PRKD3: variants seen among roughly 807,000 people sequenced by gnomAD.
PRKD3 encodes protein kinase D3, also known as serine/threonine-protein kinase D3.
PRKD3 carries 47 observed loss-of-function variants against 99.2 expected under a neutral mutation model. The observed-to-expected ratio is 0.47, with a 90% CI of 0.38 to 0.60. The LOEUF (loss-of-function observed/expected upper bound fraction) is 0.60. PRKD3 is among the 20% of genes least tolerant of loss of function. The probability of loss-of-function intolerance (pLI) is 0.00; values close to 1 mark genes in which losing one functional copy is unlikely to be tolerated. For synonymous variants in PRKD3, 392 were observed against 355.4 expected, an observed-to-expected ratio of 1.10 and a Z score of -1.16; for missense variants, 1,019 against 1,088.4, an observed-to-expected ratio of 0.94 and a Z score of 0.90.
At chr2:37,286,993 G>A (rs984610875) in intron 5 of PRKD3, among the ~76,000 whole-genome samples, 1 of 151,950 alleles carries the variant, frequency 6.6e-6, no homozygotes, top group Admixed American at 6.6e-5. Flanking sequence ...CACTTTGGGA[G>A]GCCGAGGTGG....
Position 37,253,109 on chromosome 2 carries a change from G to T in PRKD3, c.*68C>A. On this transcript the variant is annotated 3_prime_UTR_variant, in exon 19 of 19. Coordinates refer to ENST00000234179, the MANE Select transcript of PRKD3 (RefSeq NM_005813.6). Reference sequence around the variant, plus strand: ...AGCACTGCAGATGACAATCTACAAAGAACAAGTTACACAGCAAAATATCAG... The same window carrying T: ...AGCACTGCAGATGACAATCTACAAATAACAAGTTACACAGCAAAATATCAG... The T allele has an allele frequency of 6.9e-7, 1 of 1,456,838 alleles. No homozygotes were observed. The highest frequency in any genetic ancestry group is 9.3e-7 in the Non-Finnish European group (1 of 1,070,858). The allele number at this position is 1,456,838 out of a possible 1,614,324, so 90.2% of individuals were successfully genotyped here.
intron 14 of PRKD3, among the ~76,000 whole-genome samples, chr2:37,262,007 T>C (rs1302209495): frequency 6.6e-6 from 1 of 152,222 alleles, no homozygotes; most frequent in Non-Finnish European, 1.5e-5. Context: ...TGTAGGCTAA[T>C]GTAAGCGACT....
Position 37,302,009 on chromosome 2 carries a change from T to C in PRKD3, c.289-8738A>G, listed in dbSNP as rs539072200. Among the ~76,000 whole-genome samples, 10 of 152,190 alleles carry C rather than the reference T, an allele frequency of 6.6e-5. 1 individual carries two copies. In the South Asian group the frequency reaches 2.1e-3, roughly 32 times the overall value. On this transcript the variant is annotated intron_variant, in intron 2 of 18. Coordinates refer to ENST00000234179, the MANE Select transcript of PRKD3 (RefSeq NM_005813.6). ...AGAATTATCCCACCCAAAATGTCAATAGTGCTGAAGCTGAGAAATCCTGCT... is the reference window on the plus strand; with the variant it reads ...AGAATTATCCCACCCAAAATGTCAACAGTGCTGAAGCTGAGAAATCCTGCT...
rs764219848 is a variant in PRKD3, at chr2:37,290,931, T to TAGG, written c.493_495dup (p.Pro165dup). ...ATCTCACCACAGTAATCACAGAAAG[T>TAGG]AGGAGCTTTGTAAGAATGTACATAG... On this transcript the variant is annotated inframe_insertion, in exon 4 of 19. Transcript: ENST00000234179. 4 of 1,603,512 alleles carry TAGG rather than the reference T, an allele frequency of 2.5e-6. No homozygotes were observed. The highest frequency in any genetic ancestry group is 1.3e-5 in the African/African-American group (1 of 74,678).
At chr2:37,303,636 G>A (rs1671036402) in intron 2 of PRKD3, among the ~76,000 whole-genome samples, 1 of 152,086 alleles carries the variant, frequency 6.6e-6, no homozygotes, top group Admixed American at 6.5e-5. Context: ...AAGAGGTTGA[G>A]TGTGGCGGAC....
Position 37,316,684 on chromosome 2 carries a change from T to C in PRKD3, c.-160A>G. 1 of 1,434,108 alleles carries C rather than the reference T, an allele frequency of 7.0e-7. No homozygotes were observed. The highest frequency in any genetic ancestry group is 1.4e-5 in the African/African-American group (1 of 69,776). The allele number at this position is 1,434,108 out of a possible 1,614,324, so 88.8% of individuals were successfully genotyped here. Reference sequence around the variant, plus strand: ...AGCCACTCATGCCGATACTTTTAAGTTTTATCAAGGAGTTGAATGCCCCAA... The same window carrying C: ...AGCCACTCATGCCGATACTTTTAAGCTTTATCAAGGAGTTGAATGCCCCAA... On this transcript the variant is annotated 5_prime_UTR_variant, in exon 2 of 19. Coordinates refer to ENST00000234179, the MANE Select transcript of PRKD3 (RefSeq NM_005813.6).
chr2:37,310,022 T>C (rs1402444424), intron 2 of PRKD3, among the ~76,000 whole-genome samples: 6 of 152,096 alleles, frequency 3.9e-5, no homozygotes, highest in East Asian at 1.9e-4. Context: ...AAAGGAGAAT[T>C]AGTAAAGCTA....
In PRKD3 at chr2:37,269,773, A is replaced by G. The variant is rs1274107560; in HGVS notation, c.1705-86T>C. 5.5e-6 allele frequency: 5 copies of G among 906,886 alleles called. No homozygotes were observed. In the Middle Eastern group the frequency reaches 7.0e-4, roughly 128 times the overall value. 56.2% of individuals were successfully genotyped at this position (906,886 alleles called of 1,614,324 possible). On this transcript the variant is annotated intron_variant, in intron 12 of 18. Transcript: ENST00000234179. Reference sequence around the variant, plus strand: ...TGACTTTCTTCATCCAAATACTTCAATACATTTTTATGTTAGAAGCAGCTA... The same window carrying G: ...TGACTTTCTTCATCCAAATACTTCAGTACATTTTTATGTTAGAAGCAGCTA...
At position 37,316,773 on chromosome 2, in the gene PRKD3, G is replaced by A. The variant is rs1671683727; in HGVS notation, c.-249C>T. The A allele has an allele frequency of 3.8e-6, 5 of 1,332,958 alleles. No homozygotes were observed. The highest frequency in any genetic ancestry group is 3.6e-5 in the Admixed American group (1 of 27,848). The allele number at this position is 1,332,958 out of a possible 1,614,324, so 82.6% of individuals were successfully genotyped here. On this transcript the variant is annotated 5_prime_UTR_variant, in exon 2 of 19. Transcript: ENST00000234179. ...AGTCTTGTCTGTAGGAAGACAACCA[G>A]GGATTTGTAAAGGATTTAACATCAC...
chr2:37,264,296 A>G (rs530666594), intron 14 of PRKD3, among the ~76,000 whole-genome samples: 2 of 152,182 alleles, frequency 1.3e-5, no homozygotes, highest in Non-Finnish European at 2.9e-5. Context: ...TTCCCACATA[A>G]TACATTTATT....
At position 37,291,000 on chromosome 2, in the gene PRKD3, C is replaced by CT; in HGVS notation, c.428-2dup. 6.3e-7 allele frequency: 1 copy of CT among 1,597,744 alleles called. No individual in the cohort carries two copies. The highest frequency in any genetic ancestry group is 1.1e-5 in the South Asian group (1 of 87,936). ...TGGAAGTCTTCTACTGTGGCTAAAG[C>CT]TTTAAAAAAGAAAAGTATTACAATA... is the stretch of plus-strand genomic sequence containing the variant. On this transcript the variant is annotated splice_acceptor_variant, in intron 3 of 18. Transcript: ENST00000234179. LOFTEE classifies it high-confidence loss of function.
intron 10 of PRKD3, 109 bp downstream of exon 10, chr2:37,275,658 C>G (rs1669532543): frequency 1.7e-6 from 2 of 1,189,790 alleles, no homozygotes; most frequent in African/African-American, 1.6e-5. Flanking sequence ...CTTCTATAAA[C>G]CATACTAGCT....
chr2:37,308,900 C>G (rs1189462607), intron 2 of PRKD3, among the ~76,000 whole-genome samples: 2 of 151,804 alleles, frequency 1.3e-5, no homozygotes, highest in African/African-American at 4.8e-5. Context: ...TTGTGCTTAT[C>G]TATTTATGTT....
At chr2:37,255,991 CAG>C (rs1667904063) in intron 17 of PRKD3, among the ~76,000 whole-genome samples, 5 of 152,184 alleles carry the variant, frequency 3.3e-5, no homozygotes, top group African/African-American at 1.2e-4. Context: ...GCCTGGGTGA[CAG>C]AGGGAGACCC....
At chr2:37,294,853 T>C (rs1184166603) in intron 2 of PRKD3, among the ~76,000 whole-genome samples, 3 of 152,168 alleles carry the variant, frequency 2.0e-5, no homozygotes, top group Non-Finnish European at 4.4e-5. Context: ...GGCAGGCAGA[T>C]CATTTGAGGT....
In PRKD3 at chr2:37,316,732, A is replaced by C; in HGVS notation, c.-208T>G. On this transcript the variant is annotated 5_prime_UTR_variant, in exon 2 of 19. Transcript: ENST00000234179. The stretch of plus-strand genomic sequence containing the variant: ...CAAAGGTCCTATTTCTCTTAATATC[A>C]GTCCCATCAAAAAGCAGTCTTGTCT... The C allele has an allele frequency of 7.2e-7, 1 of 1,397,104 alleles. No homozygotes were observed. 86.5% of individuals were successfully genotyped at this position (1,397,104 alleles called of 1,614,324 possible).
intron 6 of PRKD3, among the ~76,000 whole-genome samples, chr2:37,285,106 A>G (rs1255403066): frequency 1.3e-5 from 2 of 151,224 alleles, no homozygotes; most frequent in East Asian, 3.9e-4. Context: ...AAAGTACAAT[A>G]CCAAGAACTG....
intron 2 of PRKD3, among the ~76,000 whole-genome samples, chr2:37,303,410 C>T (rs1041919546): frequency 2.6e-5 from 4 of 152,152 alleles, no homozygotes; most frequent in African/African-American, 7.2e-5. Context: ...TGAGGCAAGG[C>T]GCCCACTGAG....
In PRKD3 at chr2:37,289,406, A is replaced by C; in HGVS notation, c.667T>G (p.Ser223Ala). 1.2e-6 allele frequency: 2 copies of C among 1,614,176 alleles called. No individual in the cohort carries two copies. The highest frequency in any genetic ancestry group is 8.5e-7 in the Non-Finnish European group (1 of 1,180,022). ...SNVSLPGPGLSVPRPLQPEYV... is the reference protein window; with the variant it reads ...SNVSLPGPGLAVPRPLQPEYV... ...TCAGGCTGTAGGGGTCTTGGAACTGAGAGGCCGGGTCCTGGTAAAGATACA... is the reference window on the plus strand; with the variant it reads ...TCAGGCTGTAGGGGTCTTGGAACTGCGAGGCCGGGTCCTGGTAAAGATACA... The change falls in exon 5 of 19, where the codon TCA (serine) becomes GCA (alanine). Residue 223 changes from serine (S) to alanine (A), a missense_variant. Physicochemically the swap from Ser to Ala is moderately conservative, Grantham distance 99. Coordinates refer to ENST00000234179, the MANE Select transcript of PRKD3 (RefSeq NM_005813.6).
Sources: gnomAD v4.1 joint callset for allele counts (sites outside exome capture counted in the v4.1 genomes callset) on GRCh38, gnomAD v4.1.1 for gene constraint, MANE v1.5 for transcripts, NCBI Gene and HGNC (gene_info 2026-07-23, HGNC 2026-07-21) for gene names.